The following MCM7 variants were observed in gnomAD, a reference collection of about 807,000 sequenced individuals.
MCM7 encodes minichromosome maintenance complex component 7, also known as DNA replication licensing factor MCM7.
A neutral mutation model predicts 83.5 loss-of-function variants in MCM7; 95 were observed. The ratio of observed to expected loss-of-function variants is 1.14; its 90% CI spans 0.96 to 1.35. The LOEUF (loss-of-function observed/expected upper bound fraction) is 1.35. Among genes scored for constraint, MCM7 ranks in the 40% most tolerant of loss-of-function variants. MCM7 has a pLI of 0.00. For missense variants in MCM7, 1,087 were observed against 957.4 expected (o/e 1.14, Z -1.79); for synonymous variants, 461 against 352.7 (o/e 1.31, Z -3.44).
rs773449293 is a variant in MCM7, at chr7:100,098,596, C to T, written c.702G>A (p.Glu234=). 10 of 1,614,216 alleles carry T rather than the reference C, an allele frequency of 6.2e-6. No homozygotes were observed. Among genetic ancestry groups the T allele is most frequent in the Non-Finnish European group, 7.6e-6 (9 of 1,180,040 alleles). ...TRGSRFIKFQ[E]MKMQEHSDQV... ...AACTCACATGTTCTTGCATCTTCAT[C>T]TCCTGGAATTTGATGAATCTGGAGC... The change falls in exon 6 of 15, where the codon GAG becomes GAA. Residue 234 remains glutamate (E), a synonymous_variant. Transcript: ENST00000303887.
At chr7:100,094,127 C>CT in intron 13 of MCM7, 46 bp downstream of exon 13, 1 of 1,613,140 alleles carries the variant, frequency 6.2e-7, no homozygotes, top group Non-Finnish European at 8.5e-7. Context: ...GGAGCTACCC[C>CT]TTTAAGGGTC....
At chr7:100,098,109 T>A (rs1396175548) in intron 7 of MCM7, 32 bp downstream of exon 7, 2 of 1,611,344 alleles carry the variant, frequency 1.2e-6, no homozygotes, top group Non-Finnish European at 8.5e-7. Flanking sequence ...GAAAAGGGGA[T>A]GATCCATTCC....
At position 100,099,976 on chromosome 7, in the gene MCM7, CCCCGCT is replaced by C. The variant is rs781074682; in HGVS notation, c.111+32_111+37del. On this transcript the variant is annotated intron_variant, in intron 2 of 14. Coordinates refer to ENST00000303887, the MANE Select transcript of MCM7 (RefSeq NM_005916.5). ...GCTGCTGCTTATGGCTCCTTAAGCA[CCCCGCT>C]CCCCATTCCCTTTACCCAATCTTAG... 25 of 1,574,036 alleles carry C rather than the reference CCCCGCT, an allele frequency of 1.6e-5. No individual in the cohort carries two copies. The African/African-American group carries it at 3.1e-4, about 20-fold the overall frequency.
rs776888720 is a variant in MCM7, at chr7:100,095,392, G to A, written c.1674C>T (p.Leu558=). Residue 558 remains leucine (L), a synonymous_variant, in exon 12 of 15, where the codon CTC becomes CTT. Coordinates refer to ENST00000303887, the MANE Select transcript of MCM7 (RefSeq NM_005916.5). ...CCCGCACCCAGCTCTCCTACCTCATGAGCTTCATGTCCAGAGGTTCAAACT... is the reference window on the plus strand; with the variant it reads ...CCCGCACCCAGCTCTCCTACCTCATAAGCTTCATGTCCAGAGGTTCAAACT... ...PSQFEPLDMK[L]MRRYIAMCRE... The A allele has an allele frequency of 5.6e-6, 9 of 1,612,944 alleles. No homozygotes were observed. The highest frequency in any genetic ancestry group is 1.1e-5 in the South Asian group (1 of 90,662).
At chr7:100,097,975 G>A (rs1562896957) in intron 7 of MCM7, 27 bp from the exon 8 acceptor site, 4 of 1,602,356 alleles carry the variant, frequency 2.5e-6, no homozygotes, top group Admixed American at 1.7e-5. Context: ...CCAGGATACA[G>A]ATGTAATCCC....
Position 100,101,334 on chromosome 7 carries a change from AGGTCTTGCTCCTGG to A in MCM7, c.-54_-41del. ...GTGCGGCCGCGCTTGGCGGGCTCAG[AGGTCTTGCTCCTGG>A]GGAAGCTGAGAATCTCCGCGCGGTG... On this transcript the variant is annotated 5_prime_UTR_variant, in exon 1 of 15. Transcript: ENST00000303887. 1 of 1,612,462 alleles carries A rather than the reference AGGTCTTGCTCCTGG, an allele frequency of 6.2e-7. No individual in the cohort carries two copies. The highest frequency in any genetic ancestry group is 8.5e-7 in the Non-Finnish European group (1 of 1,179,726).
At chr7:100,094,897 G>A (rs1795535894) in intron 12 of MCM7, among the ~76,000 whole-genome samples, 1 of 152,174 alleles carries the variant, frequency 6.6e-6, no homozygotes, top group African/African-American at 2.4e-5. Flanking sequence ...CACATAACCT[G>A]AAGGTAATTT....
At position 100,097,325 on chromosome 7, in the gene MCM7, A is replaced by T. The variant is rs775163648; in HGVS notation, c.1177T>A (p.Tyr393Asn). 1.9e-6 allele frequency: 3 copies of T among 1,614,158 alleles called. No individual in the cohort carries two copies. The highest frequency in any genetic ancestry group is 2.5e-6 in the Non-Finnish European group (3 of 1,180,022). Residue 393 changes from tyrosine to asparagine, a missense_variant, in exon 10 of 15, where the codon TAC becomes AAC. Tyr to Asn is a moderately radical substitution (Grantham distance 143, BLOSUM62 -2). Transcript: ENST00000303887. ...CTGCGAGGCGCCAGTCGATCAATGT[A>T]TGACAGGAGCTGAGACTTGGCCACA... ...PGVAKSQLLS[Y>N]IDRLAPRSQY...
In MCM7 at chr7:100,098,558, G is replaced by A; in HGVS notation, c.720+20C>T. The A allele has an allele frequency of 5.6e-6, 9 of 1,613,892 alleles. No individual in the cohort carries two copies. Among genetic ancestry groups the A allele is most frequent in the Middle Eastern group, 3.3e-4 (2 of 6,056 alleles). On this transcript the variant is annotated intron_variant, in intron 6 of 14. Coordinates refer to ENST00000303887, the MANE Select transcript of MCM7 (RefSeq NM_005916.5). ...TGGACTCCCGATCCACCTGCCCAGGGCCACGTACCCCAAACTCACATGTTC... is the reference window on the plus strand; with the variant it reads ...TGGACTCCCGATCCACCTGCCCAGGACCACGTACCCCAAACTCACATGTTC...
chr7:100,096,313 G>A, intron 10 of MCM7, 146 bp from the exon 11 acceptor site: 2 of 756,276 alleles, frequency 2.6e-6, no homozygotes, highest in Non-Finnish European at 4.1e-6. Context: ...CCGAGGATCT[G>A]TGGGGCACTG....
Position 100,092,751 on chromosome 7 carries a change from T to C in MCM7, c.*181A>G, listed in dbSNP as rs1286966223. 4.6e-6 allele frequency: 3 copies of C among 652,796 alleles called. No homozygotes were observed. The highest frequency in any genetic ancestry group is 3.7e-5 in the African/African-American group (2 of 54,726). The allele number at this position is 652,796 out of a possible 1,614,324, so 40.4% of individuals were successfully genotyped here. On this transcript the variant is annotated 3_prime_UTR_variant, in exon 15 of 15. Coordinates refer to ENST00000303887, the MANE Select transcript of MCM7 (RefSeq NM_005916.5). ...TCTAAAAAACGCACAAAACCCTGTT[T>C]TAATGGAAGTCAGGCCCAGGCTAGA...
Position 100,098,072 on chromosome 7 carries a change from C to G in MCM7, c.870+69G>C. 3 of 1,592,352 alleles carry G rather than the reference C, an allele frequency of 1.9e-6. No individual in the cohort carries two copies. The South Asian group carries it at 3.4e-5, about 18-fold the overall frequency. ...GTTTGGGGTTTTGCTGCTCTTTTCT[C>G]TGTGTGGGTAGAATGAGTAGGTGAG... On this transcript the variant is annotated intron_variant, in intron 7 of 14. Transcript: ENST00000303887.
Position 100,099,670 on chromosome 7 carries a change from T to G in MCM7, c.195A>C (p.Ser65=), listed in dbSNP as rs765277818. The part of the protein sequence containing the change: ...VAEDDPELVD[S]ICENARRYAK... ...CGTAGCGCCTGGCATTCTCACAAAT[T>G]GAGTCCACCAACTCGGGGTCATCCT... Residue 65 remains serine, a synonymous_variant, in exon 3 of 15, where the codon TCA becomes TCC. Coordinates refer to ENST00000303887, the MANE Select transcript of MCM7 (RefSeq NM_005916.5). 7 of 1,614,162 alleles carry G rather than the reference T, an allele frequency of 4.3e-6. No homozygotes were observed. The East Asian group carries it at 1.3e-4, about 31-fold the overall frequency.
In MCM7 at chr7:100,099,166, G is replaced by A. The variant is rs549764255; in HGVS notation, c.439C>T (p.Arg147Cys). 5.6e-6 allele frequency: 9 copies of A among 1,614,088 alleles called. No homozygotes were observed. The highest frequency in any genetic ancestry group is 1.7e-5 in the Admixed American group (1 of 60,012). Reference protein sequence around the residue: ...YFQGPSSNKPRVIREVRADSV... With the variant: ...YFQGPSSNKPCVIREVRADSV... ...TCAGCCCGCACTTCCCGGATCACAC[G>A]AGGCTTGTTGCTGCTAGGGCCTTGA... Residue 147 changes from arginine (R) to cysteine (C), a missense_variant, in exon 5 of 15, where the codon CGT (arginine) becomes TGT (cysteine). By Grantham distance (180) the Arg-to-Cys change is radical (BLOSUM62 -3). Coordinates refer to ENST00000303887, the MANE Select transcript of MCM7 (RefSeq NM_005916.5).
intron 9 of MCM7, 107 bp downstream of exon 9, chr7:100,097,506 AC>A: frequency 6.3e-7 from 1 of 1,585,918 alleles, no homozygotes; most frequent in Non-Finnish European, 8.6e-7. Flanking sequence ...CCCTGTGTCC[AC>A]GAAGGCAAGA....
chr7:100,097,063 T>C (rs1432795864), intron 10 of MCM7, among the ~76,000 whole-genome samples: 2 of 152,226 alleles, frequency 1.3e-5, no homozygotes, highest in East Asian at 3.9e-4. Context: ...ATAGCGCCAC[T>C]GCACTCCGGC....
intron 13 of MCM7, chr7:100,093,800 G>A: frequency 1.6e-6 from 1 of 620,670 alleles, no homozygotes; most frequent in Non-Finnish European, 3.2e-6. Flanking sequence ...CTCAGCAGTA[G>A]GTTGGGTAAT....
rs1211643312 is a variant in MCM7, at chr7:100,098,203, G to A, written c.808C>T (p.His270Tyr). 1 of 1,614,044 alleles carries A rather than the reference G, an allele frequency of 6.2e-7. No individual in the cohort carries two copies. The highest frequency in any genetic ancestry group is 8.5e-7 in the Non-Finnish European group (1 of 1,179,982). ...AAGAAAATACCAGTGACGCTGACGT[G>A]GTCTCCAGGCTGGGCAATCCTTGTG... The part of the protein sequence containing the change: ...ENTRIAQPGD[H>Y]VSVTGIFLPI... Residue 270 changes from histidine (H) to tyrosine (Y), a missense_variant, in exon 7 of 15, where the codon CAC becomes TAC. Physicochemically the swap from His to Tyr is moderately conservative, Grantham distance 83 (BLOSUM62 2). Coordinates refer to ENST00000303887, the MANE Select transcript of MCM7 (RefSeq NM_005916.5).
In MCM7 at chr7:100,099,262, C is replaced by A. The variant is rs763131424; in HGVS notation, c.401+17G>T. On this transcript the variant is annotated intron_variant, in intron 4 of 14. Transcript: ENST00000303887. ...GGAGAACCAATCCCTACATCTTTCC[C>A]GACAGAGACCACTCACAATCTGCGC... 1 of 1,613,962 alleles carries A rather than the reference C, an allele frequency of 6.2e-7. No homozygotes were observed. Among genetic ancestry groups the A allele is most frequent in the South Asian group, 1.1e-5 (1 of 91,090 alleles).
Sources: allele counts gnomAD v4.1 joint callset (sites outside exome capture counted in the v4.1 genomes callset), GRCh38; gene constraint gnomAD v4.1.1; transcripts MANE v1.5; gene names NCBI Gene and HGNC (gene_info 2026-07-23, HGNC 2026-07-21).